The following WSCD2 variants were observed in gnomAD, a reference collection of about 807,000 sequenced individuals.
WSCD2 encodes the protein WSC domain sialate O sulfotransferase 2.
In WSCD2, 28 loss-of-function variants were observed where a neutral mutation model predicts 55.7. The ratio of observed to expected loss-of-function variants is 0.50; its 90% CI spans 0.37 to 0.69. WSCD2 has a LOEUF of 0.69. WSCD2 is among the 30% of genes least tolerant of loss of function. The pLI, the probability that WSCD2 is intolerant of heterozygous loss-of-function variation, is 0.00. For missense variants in WSCD2, 616 were observed against 762.1 expected (o/e 0.81, Z 2.26); for synonymous variants, 301 against 301.9 (o/e 1.00, Z 0.03).
chr12:108,204,008 CA>C (rs1387714843), intron 2 of WSCD2, among the ~76,000 whole-genome samples: 13 of 152,158 alleles, frequency 8.5e-5, no homozygotes, highest in Non-Finnish European at 1.9e-4. Flanking sequence ...GAGTAGTTAC[CA>C]GTCAGAACAT....
chr12:108,217,692 G>A (rs150092399), intron 4 of WSCD2, among the ~76,000 whole-genome samples: 52 of 152,256 alleles, frequency 3.4e-4, no homozygotes, highest in African/African-American at 1.2e-3. Context: ...CTTCCACCCA[G>A]GAGATTAACT....
chr12:108,240,295 T>A, intron 7 of WSCD2, 49 bp from the exon 8 acceptor site: 1 of 1,604,848 alleles, frequency 6.2e-7, no homozygotes, highest in Non-Finnish European at 8.5e-7. Flanking sequence ...GGTGGGCTTC[T>A]TGCTTCCCCA....
At chr12:108,155,275 T>C (rs1468907519) in intron 1 of WSCD2, among the ~76,000 whole-genome samples, 1 of 152,116 alleles carries the variant, frequency 6.6e-6, no homozygotes, top group African/African-American at 2.4e-5. Flanking sequence ...ATGGGGGTAG[T>C]GTTAGGGGCA....
intron 1 of WSCD2, among the ~76,000 whole-genome samples, chr12:108,187,464 T>G (rs1472341935): frequency 1.3e-5 from 2 of 152,136 alleles, no homozygotes; most frequent in Non-Finnish European, 2.9e-5. Flanking sequence ...CGGTTAAGAG[T>G]GCAGGCCCCA....
chr12:108,171,991 A>G lies in WSCD2; in HGVS notation c.-551-23291A>G, dbSNP rs145330347. 1.3e-3 allele frequency among the ~76,000 whole-genome samples: 195 copies of G among 152,362 alleles called. 1 individual carries two copies. The highest frequency in any genetic ancestry group is 3.4e-3 in the Middle Eastern group (1 of 294). ...AAAGAATAGGCTTTGCATTCAGTCA[A>G]TTCAAATCTAGCCAAAAGCACAGAG... On this transcript the variant is annotated intron_variant, in intron 1 of 8. Coordinates refer to ENST00000547525, the MANE Select transcript of WSCD2 (RefSeq NM_014653.4).
At chr12:108,227,206 A>G (rs1250454249) in intron 6 of WSCD2, 42 bp downstream of exon 6, 2 of 1,584,784 alleles carry the variant, frequency 1.3e-6, no homozygotes, top group Admixed American at 1.8e-5. Flanking sequence ...ATGCACTCCC[A>G]GTGGCTTCCC....
intron 1 of WSCD2, among the ~76,000 whole-genome samples, chr12:108,185,186 T>C (rs1008956238): frequency 6.6e-6 from 1 of 152,326 alleles, no homozygotes; most frequent in South Asian, 2.1e-4. Flanking sequence ...TGGACCTTTC[T>C]AAGCTCCAGC....
In WSCD2 at chr12:108,195,419, T is replaced by C. The variant is rs1014440708; in HGVS notation, c.-414T>C. 12 of 162,614 alleles carry C rather than the reference T, an allele frequency of 7.4e-5. No individual in the cohort carries two copies. The highest frequency in any genetic ancestry group is 3.8e-4 in the South Asian group (2 of 5,288). The allele number at this position is 162,614 out of a possible 1,614,324, so 10.1% of individuals were successfully genotyped here. On this transcript the variant is annotated 5_prime_UTR_variant, in exon 2 of 9. Coordinates refer to ENST00000547525, the MANE Select transcript of WSCD2 (RefSeq NM_014653.4). ...CCCCCAGTGAAATAACCCAGATCCA[T>C]TGGCCTGAGGAGCAGAGAAAGGGCA...
chr12:108,180,031 A>C (rs1881466926), intron 1 of WSCD2, among the ~76,000 whole-genome samples: 2 of 147,512 alleles, frequency 1.4e-5, no homozygotes, highest in African/African-American at 5.0e-5. Context: ...TGACAGAGAA[A>C]GACTCCATCT....
intron 5 of WSCD2, among the ~76,000 whole-genome samples, chr12:108,226,606 C>T (rs1029107553): frequency 6.6e-6 from 1 of 152,218 alleles, no homozygotes; most frequent in Non-Finnish European, 1.5e-5. Context: ...GGCTCACAGT[C>T]TTGGTTGGCC....
At chr12:108,215,961 G>A (rs1297328335) in intron 4 of WSCD2, among the ~76,000 whole-genome samples, 3 of 152,208 alleles carry the variant, frequency 2.0e-5, no homozygotes, top group Non-Finnish European at 2.9e-5. Context: ...TACCATCCCA[G>A]CTAGCCTGGC....
intron 1 of WSCD2, among the ~76,000 whole-genome samples, chr12:108,139,225 A>G (rs932524269): frequency 2.0e-5 from 3 of 152,350 alleles, no homozygotes; most frequent in African/African-American, 7.2e-5. Context: ...GTCTATCTCC[A>G]AATAAAATTT....
chr12:108,202,600 G>A (rs987815899), intron 2 of WSCD2, among the ~76,000 whole-genome samples: 2 of 152,174 alleles, frequency 1.3e-5, no homozygotes, highest in Non-Finnish European at 2.9e-5. Flanking sequence ...ACTAATGCAG[G>A]AACAGAAAAC....
chr12:108,163,609 G>A (rs2374977), intron 1 of WSCD2, among the ~76,000 whole-genome samples: 98,517 of 151,976 alleles, frequency 0.65, 34,511 homozygotes, highest in East Asian at 0.91. Flanking sequence ...GTCATCGCAA[G>A]GATCTTCATA....
At chr12:108,160,805 C>A (rs1878980838) in intron 1 of WSCD2, among the ~76,000 whole-genome samples, 1 of 152,216 alleles carries the variant, frequency 6.6e-6, no homozygotes, top group African/African-American at 2.4e-5. Flanking sequence ...CTCAGGATTT[C>A]TCAATAGGAG....
intron 1 of WSCD2, among the ~76,000 whole-genome samples, chr12:108,141,527 G>T (rs1282992927): frequency 6.6e-6 from 1 of 152,202 alleles, no homozygotes; most frequent in African/African-American, 2.4e-5. Flanking sequence ...CAGCATTGGA[G>T]GGCTGCCCAT....
chr12:108,141,490 G>T (rs1287941930), intron 1 of WSCD2, among the ~76,000 whole-genome samples: 1 of 152,176 alleles, frequency 6.6e-6, no homozygotes, highest in African/African-American at 2.4e-5. Context: ...GAGGTTCGAG[G>T]GGGAGAATCC....
intron 8 of WSCD2, among the ~76,000 whole-genome samples, chr12:108,247,433 A>T (rs1436925968): frequency 2.0e-5 from 3 of 152,164 alleles, no homozygotes; most frequent in African/African-American, 4.8e-5. Context: ...TCACCAAACA[A>T]GTAACATTGT....
chr12:108,241,298 A>C (rs1222663831), intron 8 of WSCD2, among the ~76,000 whole-genome samples: 1 of 152,116 alleles, frequency 6.6e-6, no homozygotes, highest in Non-Finnish European at 1.5e-5. Flanking sequence ...TCAACATTTC[A>C]ATGCAGAGCA....
Sources: allele counts gnomAD v4.1 joint callset (sites outside exome capture counted in the v4.1 genomes callset), GRCh38; gene constraint gnomAD v4.1.1; transcripts MANE v1.5; gene names NCBI Gene and HGNC (gene_info 2026-07-23, HGNC 2026-07-21).